Variants in PLCL1 observed in about 807,000 individuals in gnomAD.
PLCL1 encodes inactive phospholipase C-like protein 1.
PLCL1 carries 41 observed loss-of-function variants against 84.4 expected under a neutral mutation model. The ratio of observed to expected loss-of-function variants is 0.49; its 90% CI spans 0.38 to 0.63. The LOEUF (loss-of-function observed/expected upper bound fraction) is 0.63. Among genes scored for constraint, PLCL1 ranks in the 30% least tolerant of loss-of-function variants. The probability of loss-of-function intolerance (pLI) is 0.00; values close to 1 mark genes in which losing one functional copy is unlikely to be tolerated. For missense variants in PLCL1, 1,206 were observed against 1,367.8 expected, an observed-to-expected ratio of 0.88 and a Z score of 1.87; for synonymous variants, 490 against 488.3, an observed-to-expected ratio of 1.00 and a Z score of -0.05.
chr2:198,098,901 T>C (rs1693261554), intron 3 of PLCL1, among the ~76,000 whole-genome samples: 2 of 152,134 alleles, frequency 1.3e-5, no homozygotes, highest in Admixed American at 1.3e-4. Flanking sequence ...ATAATTTTAC[T>C]CTTAAAGGGT....
At chr2:197,995,774 G>A (rs112153231) in intron 1 of PLCL1, among the ~76,000 whole-genome samples, 23 of 152,288 alleles carry the variant, frequency 1.5e-4, no homozygotes, top group African/African-American at 4.6e-4. Context: ...ATGGGGGGGC[G>A]TGTGCCCAGC....
chr2:198,148,269 TG>T lies in PLCL1; in HGVS notation c.*1311del, dbSNP rs1694574377. 2 of 152,362 alleles carry T rather than the reference TG, an allele frequency of 1.3e-5. No homozygotes were observed. The highest frequency in any genetic ancestry group is 6.5e-5 in the Admixed American group (1 of 15,280). 9.4% of individuals were successfully genotyped at this position (152,362 alleles called of 1,614,324 possible). ...AATTTGATTAACAAATATGCTAATT[TG>T]GGGAAACCTAGAGAAGATAATTGTT... is the stretch of plus-strand genomic sequence containing the variant. On this transcript the variant is annotated 3_prime_UTR_variant, in exon 6 of 6. Transcript: ENST00000428675.
In PLCL1 at chr2:197,805,204, G is replaced by A. The variant is rs1325181215; in HGVS notation, c.105G>A (p.Thr35=). The A allele has an allele frequency of 8.6e-6, 11 of 1,275,694 alleles. No homozygotes were observed. The highest frequency in any genetic ancestry group is 8.9e-6 in the Non-Finnish European group (9 of 1,013,190). The allele number at this position is 1,275,694 out of a possible 1,614,324, so 79.0% of individuals were successfully genotyped here. Residue 35 remains threonine, a synonymous_variant, in exon 1 of 6, where the codon ACG becomes ACA. Transcript: ENST00000428675. This position sits in a 1 kb window ranked among gnomAD's most constrained non-coding sequence, Gnocchi z 4.0. The part of the protein sequence containing the change: ...VGPDAAGDCV[T]AASGGRMRDR... ...CGGATGCCGCCGGGGACTGCGTGAC[G>A]GCGGCCTCTGGGGGCCGGATGAGGG...
At chr2:197,890,549 A>C (rs1035653442) in intron 1 of PLCL1, among the ~76,000 whole-genome samples, 2 of 151,864 alleles carry the variant, frequency 1.3e-5, no homozygotes, top group Non-Finnish European at 2.9e-5. Context: ...ACAAAATTCA[A>C]ATTAAGAAAT....
intron 3 of PLCL1, among the ~76,000 whole-genome samples, chr2:198,091,497 T>C (rs1325199096): frequency 6.6e-5 from 10 of 151,652 alleles, no homozygotes; most frequent in Admixed American, 6.6e-4. Flanking sequence ...CTGGCCAACA[T>C]AGTGAAACCC....
At chr2:197,985,127 G>T (rs185975147) in intron 1 of PLCL1, among the ~76,000 whole-genome samples, 214 of 152,216 alleles carry the variant, frequency 1.4e-3, no homozygotes, top group Non-Finnish European at 2.5e-3. Context: ...ATGCTTTGGT[G>T]CAAGCGCAAG....
At chr2:197,857,129 G>A (rs531035829) in intron 1 of PLCL1, among the ~76,000 whole-genome samples, 139 of 151,326 alleles carry the variant, frequency 9.2e-4, no homozygotes, top group African/African-American at 3.2e-3. Flanking sequence ...ATGTACCCCT[G>A]AACTTAAGAT....
At chr2:198,124,939 A>C (rs73063039) in intron 5 of PLCL1, among the ~76,000 whole-genome samples, 2,791 of 152,254 alleles carry the variant, frequency 0.018, 79 homozygotes, top group African/African-American at 0.064. Context: ...ATTACAATTG[A>C]ATAAAATTAG....
At chr2:197,898,103 A>C (rs1406078299) in intron 1 of PLCL1, among the ~76,000 whole-genome samples, 1 of 152,238 alleles carries the variant, frequency 6.6e-6, no homozygotes. Context: ...GCTGAGTTGT[A>C]GTCTTCTGGC....
At chr2:197,876,434 T>C (rs951211104) in intron 1 of PLCL1, among the ~76,000 whole-genome samples, 4 of 152,178 alleles carry the variant, frequency 2.6e-5, no homozygotes, top group African/African-American at 9.7e-5. Context: ...CCTACATTTT[T>C]CCCCTCATAA....
chr2:198,073,550 T>C lies in PLCL1; in HGVS notation c.241-10208T>C, dbSNP rs891735200. Reference sequence around the variant, plus strand: ...AAAGGTTCTGTATCTCTATGATAGCTAGTCCCAAAGGACATATTCTATTAT... The same window carrying C: ...AAAGGTTCTGTATCTCTATGATAGCCAGTCCCAAAGGACATATTCTATTAT... On this transcript the variant is annotated intron_variant, in intron 1 of 5. Transcript: ENST00000428675. Among the ~76,000 whole-genome samples, 16 of 152,346 alleles carry C rather than the reference T, an allele frequency of 1.1e-4. No individual in the cohort carries two copies. In the Middle Eastern group the frequency reaches 0.014, roughly 130 times the overall value.
At chr2:198,026,151 C>T (rs538919373) in intron 1 of PLCL1, among the ~76,000 whole-genome samples, 13 of 152,230 alleles carry the variant, frequency 8.5e-5, no homozygotes, top group African/African-American at 3.1e-4. Context: ...CAATATTTGC[C>T]ATAGTTTTCT....
chr2:197,986,427 C>T (rs1036667151), intron 1 of PLCL1, among the ~76,000 whole-genome samples: 2 of 152,196 alleles, frequency 1.3e-5, no homozygotes, highest in Non-Finnish European at 2.9e-5. Flanking sequence ...TCATAGCTCA[C>T]TGCAGTCTCA....
intron 1 of PLCL1, among the ~76,000 whole-genome samples, chr2:198,048,752 A>T (rs566172937): frequency 6.6e-6 from 1 of 152,332 alleles, no homozygotes; most frequent in African/African-American, 2.4e-5. Context: ...CATCTCCAAC[A>T]TTGGAGATCA....
intron 1 of PLCL1, among the ~76,000 whole-genome samples, chr2:197,978,005 C>G (rs1277505875): frequency 6.6e-6 from 1 of 152,202 alleles, no homozygotes; most frequent in Non-Finnish European, 1.5e-5. Flanking sequence ...TTCCTGGCCT[C>G]TCTCATCCTC....
At chr2:198,051,479 T>C (rs73061081) in intron 1 of PLCL1, among the ~76,000 whole-genome samples, 4,703 of 152,268 alleles carry the variant, frequency 0.031, 233 homozygotes, top group African/African-American at 0.11. Flanking sequence ...AATTTTCTAC[T>C]TGAAAATTTA....
At chr2:197,903,832 C>T (rs1688322694) in intron 1 of PLCL1, among the ~76,000 whole-genome samples, 1 of 115,330 alleles carries the variant, frequency 8.7e-6, no homozygotes, top group Non-Finnish European at 1.7e-5. Context: ...GACAAAGTCT[C>T]GCTCTTGTCG....
intron 1 of PLCL1, among the ~76,000 whole-genome samples, chr2:197,824,522 TG>T (rs1353706305): frequency 6.6e-6 from 1 of 151,904 alleles, no homozygotes; most frequent in Non-Finnish European, 1.5e-5. Flanking sequence ...AAGAGCAGCC[TG>T]GGAAACATAG....
chr2:198,069,404 G>A (rs1692411229), intron 1 of PLCL1, among the ~76,000 whole-genome samples: 1 of 152,002 alleles, frequency 6.6e-6, no homozygotes, highest in African/African-American at 2.4e-5. Context: ...CGAGAGGATT[G>A]CTTGAGCCCA....
Sources: gnomAD v4.1 joint callset for allele counts (sites outside exome capture counted in the v4.1 genomes callset) on GRCh38, gnomAD v4.1.1 for gene constraint, Gnocchi (gnomAD v3.1) non-coding constraint, MANE v1.5 for transcripts, NCBI Gene and HGNC (gene_info 2026-07-23, HGNC 2026-07-21) for gene names.